The following BNC2 variants were observed in gnomAD, a reference collection of about 807,000 sequenced individuals.
BNC2 encodes the protein basonuclin zinc finger protein 2.
Under a neutral mutation model 76.3 loss-of-function variants are expected in BNC2, and 20 were observed. The observed-to-expected ratio is 0.26, with a 90% CI of 0.18 to 0.38. The LOEUF is 0.38. Ranked by LOEUF, BNC2 falls within the 10% of genes least tolerant of loss-of-function variation. BNC2 has a pLI of 1.00. For missense variants in BNC2, 1,382 were observed against 1,399.8 expected, an observed-to-expected ratio of 0.99 and a Z score of 0.20; for synonymous variants, 582 against 514.8, an observed-to-expected ratio of 1.13 and a Z score of -1.77.
chr9:16,727,953 T>C lies in BNC2; in HGVS notation c.174A>G (p.Arg58=). ...EVDVRERETQ[R]DREPKRARDL... The stretch of plus-strand genomic sequence containing the variant: ...CTCTTGCCCTCTTTGGCTCTCTGTC[T>C]CTCTGTGTCTCTCTTTCTCTCACAT... Residue 58 remains arginine (R), a synonymous_variant, in exon 3 of 7, where the codon AGA becomes AGG. Transcript: ENST00000380672. 1 of 1,614,068 alleles carries C rather than the reference T, an allele frequency of 6.2e-7. No individual in the cohort carries two copies. Among genetic ancestry groups the C allele is most frequent in the Non-Finnish European group, 8.5e-7 (1 of 1,180,000 alleles).
chr9:16,619,877 T>G (rs1820816373), intron 3 of BNC2, among the ~76,000 whole-genome samples: 1 of 152,162 alleles, frequency 6.6e-6, no homozygotes, highest in Admixed American at 6.5e-5. Context: ...TTCTTCTCTT[T>G]TAAGTTTCCT....
intron 1 of BNC2, among the ~76,000 whole-genome samples, chr9:16,780,251 A>AAAAAAC (rs1341552391): frequency 9.8e-6 from 1 of 101,890 alleles, no homozygotes. Context: ...AAAAAAAAAA[A>AAAAAAC]AAAAACAAAA....
intron 4 of BNC2, among the ~76,000 whole-genome samples, chr9:16,575,922 A>G (rs1378911863): frequency 6.6e-6 from 1 of 152,218 alleles, no homozygotes; most frequent in African/African-American, 2.4e-5. Context: ...AACTAAGTCC[A>G]CTAGAAAGAC....
chr9:16,563,597 G>T (rs968524215), intron 4 of BNC2, among the ~76,000 whole-genome samples: 9 of 152,288 alleles, frequency 5.9e-5, no homozygotes, highest in Admixed American at 5.9e-4. Context: ...CCAATCAAGT[G>T]CTGTGTAATT....
At chr9:16,677,276 G>C (rs914892056) in intron 3 of BNC2, among the ~76,000 whole-genome samples, 45 of 152,034 alleles carry the variant, frequency 3.0e-4, no homozygotes, top group African/African-American at 1.0e-3. Context: ...AAAATTTAAA[G>C]ATAAAAACAC....
intron 3 of BNC2, among the ~76,000 whole-genome samples, chr9:16,708,713 T>A: frequency 6.9e-6 from 1 of 144,542 alleles, no homozygotes. Flanking sequence ...AGAGAAGGAG[T>A]CAGTAGGGAA....
intron 1 of BNC2, among the ~76,000 whole-genome samples, chr9:16,775,090 T>C (rs1825927708): frequency 6.6e-6 from 1 of 152,172 alleles, no homozygotes; most frequent in Admixed American, 6.6e-5. Context: ...AGCAACAGCA[T>C]CATCCAGGAA....
intron 3 of BNC2, among the ~76,000 whole-genome samples, chr9:16,633,878 G>C (rs1821237590): frequency 7.2e-5 from 11 of 152,200 alleles, no homozygotes; most frequent in Admixed American, 7.2e-4. Context: ...CAACAGGTAA[G>C]TCAGAATTTC....
At chr9:16,854,188 G>A (rs1196863503) in intron 1 of BNC2, among the ~76,000 whole-genome samples, 1 of 152,142 alleles carries the variant, frequency 6.6e-6, no homozygotes. Flanking sequence ...AGGAAGGAAA[G>A]ATTGAAAGGT....
intron 1 of BNC2, among the ~76,000 whole-genome samples, chr9:16,846,211 T>C (rs1237858161): frequency 2.6e-5 from 4 of 152,002 alleles, no homozygotes; most frequent in Non-Finnish European, 4.4e-5. Flanking sequence ...TTTGGTGAAT[T>C]TCTAACTGTA....
At chr9:16,694,791 C>T (rs558713447) in intron 3 of BNC2, among the ~76,000 whole-genome samples, 5 of 152,122 alleles carry the variant, frequency 3.3e-5, no homozygotes, top group African/African-American at 1.2e-4. Context: ...ACACAATCCC[C>T]CCTCCAAGCC....
chr9:16,592,306 T>C (rs1459384327), intron 3 of BNC2, among the ~76,000 whole-genome samples: 2 of 152,070 alleles, frequency 1.3e-5, no homozygotes, highest in Non-Finnish European at 2.9e-5. Context: ...CACTGACAAA[T>C]GGATAAACAA....
intron 3 of BNC2, among the ~76,000 whole-genome samples, chr9:16,610,819 T>C (rs967335274): frequency 1.3e-5 from 2 of 152,172 alleles, no homozygotes; most frequent in East Asian, 3.8e-4. Flanking sequence ...GACGTGTATA[T>C]AGCAAATTCT....
At chr9:16,566,998 G>A (rs1387195979) in intron 4 of BNC2, among the ~76,000 whole-genome samples, 1 of 152,188 alleles carries the variant, frequency 6.6e-6, no homozygotes, top group Non-Finnish European at 1.5e-5. Context: ...GGTTACTGAT[G>A]GGACATAATT....
intron 5 of BNC2, among the ~76,000 whole-genome samples, chr9:16,524,611 A>G (rs1327924749): frequency 6.6e-6 from 1 of 152,206 alleles, no homozygotes; most frequent in Non-Finnish European, 1.5e-5. Flanking sequence ...ATGTATAATA[A>G]TCTACTGAAC....
intron 5 of BNC2, among the ~76,000 whole-genome samples, chr9:16,494,728 G>A (rs1228817490): frequency 6.6e-6 from 1 of 152,244 alleles, no homozygotes; most frequent in African/African-American, 2.4e-5. Context: ...GGCACGTCCT[G>A]TAGGGTTTTG....
At chr9:16,752,905 T>C (rs191516824) in intron 1 of BNC2, among the ~76,000 whole-genome samples, 17 of 152,274 alleles carry the variant, frequency 1.1e-4, no homozygotes, top group Admixed American at 5.2e-4. Flanking sequence ...TACAGTGCAC[T>C]ACATTCACTC....
At chr9:16,528,232 A>G (rs1817870660) in intron 5 of BNC2, among the ~76,000 whole-genome samples, 1 of 152,232 alleles carries the variant, frequency 6.6e-6, no homozygotes. Context: ...ATTTTCTAAA[A>G]TGACAATAGT....
chr9:16,424,939 T>C (rs1221619015), intron 6 of BNC2, among the ~76,000 whole-genome samples: 3 of 152,196 alleles, frequency 2.0e-5, no homozygotes, highest in African/African-American at 4.8e-5. Context: ...TTTGACACTA[T>C]ACCTTTCTGT....
Sources: allele counts gnomAD v4.1 joint callset (sites outside exome capture counted in the v4.1 genomes callset), GRCh38; gene constraint gnomAD v4.1.1; transcripts MANE v1.5; gene names NCBI Gene and HGNC (gene_info 2026-07-23, HGNC 2026-07-21).